Variants in FLNB observed in about 807,000 individuals in gnomAD.
The protein encoded by FLNB is filamin-B.
A neutral mutation model predicts 250.6 loss-of-function variants in FLNB; 111 were observed. That is an observed-to-expected ratio of 0.44 (90% confidence interval 0.38 to 0.52). The LOEUF (loss-of-function observed/expected upper bound fraction) is 0.52. FLNB is among the 20% of genes least tolerant of loss of function. FLNB has a pLI of 0.00. For missense variants in FLNB, 2,869 were observed against 3,447.8 expected, an observed-to-expected ratio of 0.83 and a Z score of 4.20; for synonymous variants, 1,302 against 1,372.1, an observed-to-expected ratio of 0.95 and a Z score of 1.13.
At chr3:58,067,988 C>T (rs563589565) in intron 1 of FLNB, among the ~76,000 whole-genome samples, 1 of 152,328 alleles carries the variant, frequency 6.6e-6, no homozygotes, top group East Asian at 1.9e-4. Context: ...CAGGTTCCTT[C>T]CCTCACCTTG....
At chr3:58,052,021 G>T (rs2097163197) in intron 1 of FLNB, among the ~76,000 whole-genome samples, 1 of 152,028 alleles carries the variant, frequency 6.6e-6, no homozygotes, top group African/African-American at 2.4e-5. Flanking sequence ...TGAGTGGCTG[G>T]GACTCCAGGC....
At chr3:58,151,430 G>A (rs548555809) in intron 38 of FLNB, 4 of 146,338 alleles carry the variant, frequency 2.7e-5, no homozygotes, top group African/African-American at 7.7e-5. Context: ...TGTACTGATC[G>A]TTTGTAGTCA....
At chr3:58,013,748 C>T (rs2097102150) in intron 1 of FLNB, among the ~76,000 whole-genome samples, 1 of 152,192 alleles carries the variant, frequency 6.6e-6, no homozygotes, top group East Asian at 1.9e-4. Flanking sequence ...AGCTTGAATC[C>T]AAGGGCAGAG....
chr3:58,138,114 C>T (rs997326935), intron 28 of FLNB, among the ~76,000 whole-genome samples, 168 bp from the exon 29 acceptor site: 1 of 152,212 alleles, frequency 6.6e-6, no homozygotes, highest in Non-Finnish European at 1.5e-5. Flanking sequence ...GATGACGTAA[C>T]CCTTTGAGCA....
intron 1 of FLNB, among the ~76,000 whole-genome samples, chr3:58,026,670 T>C (rs919357902): frequency 3.3e-5 from 5 of 152,192 alleles, no homozygotes; most frequent in Non-Finnish European, 5.9e-5. Flanking sequence ...TTTGCCCTGA[T>C]GGATAGAAGG....
At chr3:58,065,035 G>A (rs747594479) in intron 1 of FLNB, among the ~76,000 whole-genome samples, 24 of 152,098 alleles carry the variant, frequency 1.6e-4, no homozygotes, top group Non-Finnish European at 7.4e-5. Context: ...GCAAGACCCC[G>A]GACCCTGTCT....
At chr3:58,108,228 G>A (rs866798740) in intron 12 of FLNB, among the ~76,000 whole-genome samples, 7 of 152,334 alleles carry the variant, frequency 4.6e-5, no homozygotes, top group East Asian at 1.9e-4. Flanking sequence ...GCTTCAGGCC[G>A]TGGGTTGGAT....
chr3:58,034,878 C>T (rs1029529141), intron 1 of FLNB, among the ~76,000 whole-genome samples: 3 of 152,128 alleles, frequency 2.0e-5, no homozygotes, highest in African/African-American at 7.2e-5. Flanking sequence ...GAAGGCGGGC[C>T]CTGATCCCAG....
In FLNB at chr3:58,094,810, A is replaced by G. The variant is rs752395354; in HGVS notation, c.788-26A>G. 8.8e-6 allele frequency: 14 copies of G among 1,595,128 alleles called. 1 individual carries two copies. In the South Asian group the frequency reaches 1.5e-4, roughly 18 times the overall value. On this transcript the variant is annotated intron_variant, in intron 4 of 45. Coordinates refer to ENST00000295956, the MANE Select transcript of FLNB (RefSeq NM_001457.4). Reference sequence around the variant, plus strand: ...CATGACACACCCTCGCCTGGCTTCTAACATGTCTGTGTAAACCTGTGGCAG... The same window carrying G: ...CATGACACACCCTCGCCTGGCTTCTGACATGTCTGTGTAAACCTGTGGCAG...
chr3:58,055,904 G>C (rs6781678), intron 1 of FLNB, among the ~76,000 whole-genome samples: 8,774 of 151,956 alleles, frequency 0.058, 815 homozygotes, highest in African/African-American at 0.2. Flanking sequence ...GTGAGTCTAA[G>C]AACTACTATA....
At chr3:58,053,970 C>T (rs1403340963) in intron 1 of FLNB, among the ~76,000 whole-genome samples, 1 of 152,158 alleles carries the variant, frequency 6.6e-6, no homozygotes, top group African/African-American at 2.4e-5. Context: ...TTCACCTGGG[C>T]TGTCCTAGAA....
intron 1 of FLNB, among the ~76,000 whole-genome samples, chr3:58,025,565 G>T (rs1159309331): frequency 6.6e-6 from 1 of 152,118 alleles, no homozygotes; most frequent in East Asian, 1.9e-4. Context: ...TTGCTGCTTT[G>T]TAGCTAGCTG....
chr3:58,155,486 G>A (rs1428120651), intron 40 of FLNB, among the ~76,000 whole-genome samples: 1 of 152,126 alleles, frequency 6.6e-6, no homozygotes, highest in Middle Eastern at 3.2e-3. Flanking sequence ...CATAAGATTT[G>A]GTGACAGTAT....
chr3:58,042,028 C>A (rs1185209558), intron 1 of FLNB, among the ~76,000 whole-genome samples: 1 of 152,140 alleles, frequency 6.6e-6, no homozygotes, highest in African/African-American at 2.4e-5. Flanking sequence ...TTTGGTGAAC[C>A]ACTTCATTTC....
Position 58,098,844 on chromosome 3 carries a change from G to C in FLNB, c.1281G>C (p.Val427=). The C allele has an allele frequency of 1.9e-6, 3 of 1,614,160 alleles. No homozygotes were observed. The highest frequency in any genetic ancestry group is 2.5e-6 in the Non-Finnish European group (3 of 1,180,026). The change falls in exon 8 of 46, where the codon GTG becomes GTC. Residue 427 remains valine, a synonymous_variant. Coordinates refer to ENST00000295956, the MANE Select transcript of FLNB (RefSeq NM_001457.4). The part of the protein sequence containing the change: ...VYKPMQPGPH[V]VKIFFAGDTI... Reference sequence around the variant, plus strand: ...AACCCATGCAGCCTGGCCCTCACGTGGTCAAGATCTTCTTTGCTGGGGACA... The same window carrying C: ...AACCCATGCAGCCTGGCCCTCACGTCGTCAAGATCTTCTTTGCTGGGGACA...
chr3:58,039,388 T>C (rs1033471586), intron 1 of FLNB, among the ~76,000 whole-genome samples: 1 of 152,078 alleles, frequency 6.6e-6, no homozygotes, highest in Non-Finnish European at 1.5e-5. Flanking sequence ...CTTGGTTCTC[T>C]GTTCACTACA....
intron 1 of FLNB, among the ~76,000 whole-genome samples, chr3:58,068,596 G>C (rs1319355514): frequency 6.7e-6 from 1 of 149,780 alleles, no homozygotes; most frequent in Non-Finnish European, 1.5e-5. Context: ...TTGGACAGCT[G>C]AAGCCTACAA....
rs373280518 is a variant in FLNB at position 58,020,048 on chromosome 3, GGTGTGTGTGTGTGT to G, written c.292+11227_292+11240del. ...ACAGCACACACCATGACACCACAGG[GGTGTGTGTGTGTGT>G]GTGTGTGTGTGTGTGTGTGTGTGTG... On this transcript the variant is annotated intron_variant, in intron 1 of 45. Transcript: ENST00000295956. Among the ~76,000 whole-genome samples, 879 of 136,994 alleles carry G rather than the reference GGTGTGTGTGTGTGT, an allele frequency of 6.4e-3. 4 individuals are homozygous for G. Among genetic ancestry groups the G allele is most frequent in the Middle Eastern group, 0.015 (4 of 268 alleles). The allele number at this position is 136,994 out of a possible 152,430, so 89.9% of individuals were successfully genotyped here. A position where few individuals can be genotyped will look rare whatever the true frequency, so the allele number is the denominator to read the frequency against.
chr3:58,066,806 G>A (rs947670720), intron 1 of FLNB, among the ~76,000 whole-genome samples: 6 of 152,194 alleles, frequency 3.9e-5, no homozygotes, highest in Admixed American at 2.6e-4. Flanking sequence ...TAGGGTGTTT[G>A]GGATAATTTA....
Sources: gnomAD v4.1 joint callset for allele counts (sites outside exome capture counted in the v4.1 genomes callset) on GRCh38, gnomAD v4.1.1 for gene constraint, MANE v1.5 for transcripts, NCBI Gene and HGNC (gene_info 2026-07-23, HGNC 2026-07-21) for gene names.